SGTB: variants seen among roughly 807,000 people sequenced by gnomAD.
The protein encoded by SGTB is small glutamine rich tetratricopeptide repeat co-chaperone beta, also known as small glutamine-rich tetratricopeptide repeat-containing protein beta.
In SGTB, 19 loss-of-function variants were observed where a neutral mutation model predicts 43.9. The observed-to-expected ratio is 0.43, with a 90% confidence interval of 0.30 to 0.63. SGTB has a LOEUF of 0.63. Among genes scored for constraint, SGTB ranks in the 30% least tolerant of loss-of-function variants. SGTB has a pLI of 0.12. For synonymous variants in SGTB, 116 were observed against 117.3 expected, an observed-to-expected ratio of 0.99 and a Z score of 0.07; for missense variants, 304 against 358.9, an observed-to-expected ratio of 0.85 and a Z score of 1.24.
chr5:65,691,734 A>C (rs1486727844), intron 5 of SGTB, among the ~76,000 whole-genome samples: 1 of 151,348 alleles, frequency 6.6e-6, no homozygotes, highest in Admixed American at 6.6e-5. Context: ...AGGTCAGGAG[A>C]TCGAGACCAT....
At chr5:65,698,259 A>G (rs1265117808) in intron 5 of SGTB, among the ~76,000 whole-genome samples, 6 of 152,222 alleles carry the variant, frequency 3.9e-5, no homozygotes, top group African/African-American at 1.4e-4. Context: ...CCCCCAAAAA[A>G]GTAAATACTA....
chr5:65,709,689 A>G (rs988164945), intron 3 of SGTB, among the ~76,000 whole-genome samples: 4 of 152,006 alleles, frequency 2.6e-5, no homozygotes, highest in Non-Finnish European at 4.4e-5. Flanking sequence ...GTTTTCTTAT[A>G]TTGTAGTAAA....
chr5:65,688,375 T>C (rs1028159972), intron 5 of SGTB, among the ~76,000 whole-genome samples: 16 of 152,184 alleles, frequency 1.1e-4, no homozygotes, highest in Admixed American at 7.9e-4. Context: ...GGTGATTTTG[T>C]AGAACAGCAA....
At chr5:65,672,631 C>T (rs190634849) in intron 8 of SGTB, among the ~76,000 whole-genome samples, 11 of 152,278 alleles carry the variant, frequency 7.2e-5, no homozygotes, top group Admixed American at 5.2e-4. Flanking sequence ...CCATTCCAAA[C>T]GAGCTTTTAA....
intron 5 of SGTB, among the ~76,000 whole-genome samples, chr5:65,699,899 T>C (rs1757781443): frequency 6.6e-6 from 1 of 152,206 alleles, no homozygotes; most frequent in Non-Finnish European, 1.5e-5. Flanking sequence ...TATAACAAGA[T>C]AGAATTTGAT....
intron 5 of SGTB, among the ~76,000 whole-genome samples, chr5:65,692,143 G>C (rs13189323): frequency 2.0e-5 from 3 of 151,954 alleles, no homozygotes; most frequent in African/African-American, 7.3e-5. Flanking sequence ...GGAGAAAGCC[G>C]AAAAAGGAAG....
intron 6 of SGTB, among the ~76,000 whole-genome samples, chr5:65,685,122 C>T (rs1298936937): frequency 6.6e-6 from 1 of 152,166 alleles, no homozygotes; most frequent in African/African-American, 2.4e-5. Context: ...GCCTAACTGT[C>T]TGCAATATTG....
At chr5:65,701,060 C>T (rs1757807129) in intron 5 of SGTB, among the ~76,000 whole-genome samples, 1 of 149,792 alleles carries the variant, frequency 6.7e-6, no homozygotes, top group South Asian at 2.1e-4. Context: ...CCGGAATTAC[C>T]CTTAACTAAA....
Position 65,669,362 on chromosome 5 carries a change from G to A in SGTB, c.*884C>T, listed in dbSNP as rs907412730. The A allele has an allele frequency of 6.6e-6, 1 of 152,170 alleles. No homozygotes were observed. Among genetic ancestry groups the A allele is most frequent in the African/African-American group, 2.4e-5 (1 of 41,448 alleles). 9.4% of individuals were successfully genotyped at this position (152,170 alleles called of 1,614,324 possible). On this transcript the variant is annotated 3_prime_UTR_variant, in exon 11 of 11. Transcript: ENST00000381007. ...AACTTAGGACCAGGTCACTGGCTTAGTTAAAGTATATTTATATTTGATAGT... is the reference window on the plus strand; with the variant it reads ...AACTTAGGACCAGGTCACTGGCTTAATTAAAGTATATTTATATTTGATAGT...
chr5:65,720,170 C>T (rs573046798), intron 2 of SGTB, among the ~76,000 whole-genome samples: 1 of 151,172 alleles, frequency 6.6e-6, no homozygotes, highest in Admixed American at 6.6e-5. Context: ...CAACCTCCAC[C>T]TCCTGGGTTT....
Position 65,665,941 on chromosome 5 carries a change from G to GCAT in SGTB, c.*4302_*4304dup, listed in dbSNP as rs1757023767. On this transcript the variant is annotated 3_prime_UTR_variant, in exon 11 of 11. Transcript: ENST00000381007. ...CAAATACAAAAATTGGTTTTTCAATGCATCATTATTTATTGCCATAACAAA... is the reference window on the plus strand; with the variant it reads ...CAAATACAAAAATTGGTTTTTCAATGCATCATCATTATTTATTGCCATAACAAA... The GCAT allele has an allele frequency of 6.6e-6, 1 of 152,530 alleles. No individual in the cohort carries two copies. Among genetic ancestry groups the GCAT allele is most frequent in the South Asian group, 2.1e-4 (1 of 4,834 alleles). The allele number at this position is 152,530 out of a possible 1,614,324, so 9.4% of individuals were successfully genotyped here. A position where few individuals can be genotyped will look rare whatever the true frequency, so the allele number is the denominator to read the frequency against.
chr5:65,704,026 A>C (rs1757872768), intron 5 of SGTB, among the ~76,000 whole-genome samples: 1 of 126,070 alleles, frequency 7.9e-6, no homozygotes. Flanking sequence ...TGACAGTGAG[A>C]CTCCGTCTCA....
At chr5:65,675,530 G>A (rs1367254348) in intron 8 of SGTB, among the ~76,000 whole-genome samples, 1 of 152,092 alleles carries the variant, frequency 6.6e-6, no homozygotes, top group Non-Finnish European at 1.5e-5. Context: ...GCTTCCTAAA[G>A]TCCATCCATG....
At chr5:65,703,924 G>T (rs1479284812) in intron 5 of SGTB, among the ~76,000 whole-genome samples, 1 of 150,644 alleles carries the variant, frequency 6.6e-6, no homozygotes, top group African/African-American at 2.4e-5. Flanking sequence ...TGTAGTCCCG[G>T]CTACTTGGGA....
At chr5:65,709,777 A>G (rs1251600784) in intron 3 of SGTB, among the ~76,000 whole-genome samples, 1 of 152,086 alleles carries the variant, frequency 6.6e-6, no homozygotes, top group Non-Finnish European at 1.5e-5. Flanking sequence ...ATTTTTTTAT[A>G]TTGTATAGAG....
chr5:65,718,228 T>C (rs933585965), intron 2 of SGTB, among the ~76,000 whole-genome samples: 11 of 152,122 alleles, frequency 7.2e-5, no homozygotes, highest in Non-Finnish European at 1.6e-4. Context: ...TCAGGGGCTG[T>C]CCTGTGCATT....
intron 2 of SGTB, among the ~76,000 whole-genome samples, chr5:65,720,033 A>G (rs375244831): frequency 1.3e-5 from 2 of 151,502 alleles, no homozygotes; most frequent in East Asian, 1.9e-4. Context: ...GCTTTATCAC[A>G]TATCAGCTGT....
rs1015514154 is a variant in SGTB, at chr5:65,666,643, G to T, written c.*3603C>A. 1 of 152,102 alleles carries T rather than the reference G, an allele frequency of 6.6e-6. No homozygotes were observed. The allele number at this position is 152,102 out of a possible 1,614,324, so 9.4% of individuals were successfully genotyped here. ...CAACCACGCAACTTTTTTTGAAATA[G>T]CTTGCAATGCTATGATTCCAAAGTG... On this transcript the variant is annotated 3_prime_UTR_variant, in exon 11 of 11. Coordinates refer to ENST00000381007, the MANE Select transcript of SGTB (RefSeq NM_019072.3).
At chr5:65,721,422 G>C (rs944200309) in intron 1 of SGTB, among the ~76,000 whole-genome samples, 12 of 152,132 alleles carry the variant, frequency 7.9e-5, no homozygotes, top group African/African-American at 2.9e-4. Context: ...CAAGCCGACC[G>C]GCGCTCCCTG....
Sources: gnomAD v4.1 joint callset for allele counts (sites outside exome capture counted in the v4.1 genomes callset) on GRCh38, gnomAD v4.1.1 for gene constraint, MANE v1.5 for transcripts, NCBI Gene and HGNC (gene_info 2026-07-23, HGNC 2026-07-21) for gene names.